The following C12orf54 variants were observed in gnomAD, a reference collection of about 807,000 sequenced individuals.
The protein encoded by C12orf54 is chromosome 12 open reading frame 54, also known as uncharacterized protein C12orf54.
In C12orf54, 24 loss-of-function variants were observed where a neutral mutation model predicts 26.4. The observed-to-expected ratio is 0.91, with a 90% confidence interval of 0.66 to 1.28. The LOEUF (loss-of-function observed/expected upper bound fraction) is 1.28, where lower values mean the gene tolerates loss of function less well. C12orf54 is among the 50% of genes most tolerant of loss of function. C12orf54 has a pLI of 0.00. For synonymous variants in C12orf54, 54 were observed against 47.0 expected, an observed-to-expected ratio of 1.15 and a Z score of -0.61; for missense variants, 154 against 150.9, an observed-to-expected ratio of 1.02 and a Z score of -0.11.
Position 48,490,845 on chromosome 12 carries a change from G to C in C12orf54, c.193+9G>C. 1 of 1,613,010 alleles carries C rather than the reference G, an allele frequency of 6.2e-7. No individual in the cohort carries two copies. The highest frequency in any genetic ancestry group is 8.5e-7 in the Non-Finnish European group (1 of 1,179,080). ...AGATGCTCGGATTCGAGGTAAAACA[G>C]CACCATTCCAAGGTTTGGAAAAGGA... is the stretch of plus-strand genomic sequence containing the variant. On this transcript the variant is annotated intron_variant, in intron 6 of 8. Transcript: ENST00000548364.
chr12:48,475,258 A>C, the C12orf54 span, among the ~76,000 whole-genome samples: 3 of 152,138 alleles, frequency 2.0e-5, no homozygotes, highest in Non-Finnish European at 2.9e-5. Context: ...TGTCACCATC[A>C]TCAAAGAACA....
the C12orf54 span, among the ~76,000 whole-genome samples, chr12:48,457,278 TTGTTGTTGG>T: frequency 1.4e-4 from 19 of 140,572 alleles, no homozygotes; most frequent in African/African-American, 4.4e-4. Context: ...TTTTTTGTTG[TTGTTGTTGG>T]TGGTGGTGGT....
chr12:48,427,391 C>T, the C12orf54 span, among the ~76,000 whole-genome samples: 1 of 152,028 alleles, frequency 6.6e-6, no homozygotes, highest in Non-Finnish European at 1.5e-5. Context: ...TATTGATTTG[C>T]ATATATTGAA....
chr12:48,418,451 TA>T, the C12orf54 span, among the ~76,000 whole-genome samples: 1 of 152,090 alleles, frequency 6.6e-6, no homozygotes, highest in Non-Finnish European at 1.5e-5. Flanking sequence ...GTGTGAAGAG[TA>T]AGTTGCCTTT....
chr12:48,454,938 G>C, the C12orf54 span, among the ~76,000 whole-genome samples: 1 of 152,042 alleles, frequency 6.6e-6, no homozygotes, highest in Admixed American at 6.6e-5. Context: ...AATCATAGGG[G>C]CTTCCTTTTG....
At chr12:48,458,733 CTTT>C in the C12orf54 span, among the ~76,000 whole-genome samples, 1 of 146,832 alleles carries the variant, frequency 6.8e-6, no homozygotes. Context: ...CTTGATTGTT[CTTT>C]TTTTTTTTTT....
the C12orf54 span, among the ~76,000 whole-genome samples, chr12:48,458,525 C>T: frequency 4.6e-5 from 7 of 152,126 alleles, no homozygotes; most frequent in African/African-American, 7.2e-5. Context: ...CATGGCTCAC[C>T]CAAACGTTAC....
chr12:48,466,721 C>T, the C12orf54 span, among the ~76,000 whole-genome samples: 22,032 of 152,064 alleles, frequency 0.14, 2,820 homozygotes, highest in East Asian at 0.66. Flanking sequence ...AAATCTCATA[C>T]ACTGGTAGTA....
the C12orf54 span, among the ~76,000 whole-genome samples, chr12:48,475,329 T>C: frequency 6.6e-6 from 1 of 152,024 alleles, no homozygotes; most frequent in Non-Finnish European, 1.5e-5. Flanking sequence ...ACTCTAAAAA[T>C]CAGAGCACCT....
At chr12:48,459,377 A>G in the C12orf54 span, among the ~76,000 whole-genome samples, 1 of 150,446 alleles carries the variant, frequency 6.6e-6, no homozygotes, top group African/African-American at 2.5e-5. Context: ...AGTGGCGGTG[A>G]TGTGTCAGTT....
At chr12:48,494,312 C>A (rs1937864180) in intron 7 of C12orf54, among the ~76,000 whole-genome samples, 1 of 151,886 alleles carries the variant, frequency 6.6e-6, no homozygotes, top group South Asian at 2.1e-4. Context: ...CAGAATTTGT[C>A]CCTATCTCAG....
At chr12:48,439,989 CTGA>C in the C12orf54 span, among the ~76,000 whole-genome samples, 8 of 152,236 alleles carry the variant, frequency 5.3e-5, no homozygotes, top group East Asian at 1.2e-3. Context: ...CCTTGGGAGG[CTGA>C]TGTGCGTGGA....
At chr12:48,425,756 T>C in the C12orf54 span, among the ~76,000 whole-genome samples, 1 of 152,118 alleles carries the variant, frequency 6.6e-6, no homozygotes, top group Non-Finnish European at 1.5e-5. Context: ...TTTTTACTTT[T>C]TAATAGTAGC....
chr12:48,413,190 C>G, the C12orf54 span, among the ~76,000 whole-genome samples: 2 of 152,328 alleles, frequency 1.3e-5, no homozygotes, highest in African/African-American at 4.8e-5. Context: ...CAGCATTTAA[C>G]TAAGCCTAAT....
intron 5 of C12orf54, among the ~76,000 whole-genome samples, chr12:48,490,097 A>T (rs1295839717): frequency 1.3e-5 from 2 of 152,114 alleles, no homozygotes; most frequent in East Asian, 3.9e-4. Context: ...CTCAATGAGG[A>T]GTGTAAAAGG....
chr12:48,465,804 ACACAGGAACAGAAAACCAAATTC>A, the C12orf54 span, among the ~76,000 whole-genome samples: 1 of 152,188 alleles, frequency 6.6e-6, no homozygotes, highest in African/African-American at 2.4e-5. Context: ...TAGCAAACTA[ACACAGGAACAGAAAACCAAATTC>A]CACATGTTCT....
the C12orf54 span, among the ~76,000 whole-genome samples, chr12:48,444,864 A>G: frequency 1.3e-5 from 2 of 152,202 alleles, no homozygotes. Flanking sequence ...GTTGCTCCAA[A>G]TATATTATTT....
Position 48,493,219 on chromosome 12 carries a change from G to A in C12orf54, c.242+224G>A, listed in dbSNP as rs1278545449. 2.0e-5 allele frequency among the ~76,000 whole-genome samples: 3 copies of A among 152,216 alleles called. No individual in the cohort carries two copies. The East Asian group carries it at 5.8e-4, about 29-fold the overall frequency. On this transcript the variant is annotated intron_variant, in intron 7 of 8. Coordinates refer to ENST00000548364, the MANE Select transcript of C12orf54 (RefSeq NM_152319.4). ...CCCATTAGAAATCCCTGAAATCTCAGAATCAGCCCTGAACCTCACCATAAG... is the reference window on the plus strand; with the variant it reads ...CCCATTAGAAATCCCTGAAATCTCAAAATCAGCCCTGAACCTCACCATAAG...
At chr12:48,426,782 T>C in the C12orf54 span, among the ~76,000 whole-genome samples, 5 of 152,174 alleles carry the variant, frequency 3.3e-5, no homozygotes, top group Non-Finnish European at 5.9e-5. Context: ...TAATTCTCAT[T>C]GTAGAGATCT....
Sources: allele counts gnomAD v4.1 joint callset (sites outside exome capture counted in the v4.1 genomes callset), GRCh38; gene constraint gnomAD v4.1.1; transcripts MANE v1.5; gene names NCBI Gene and HGNC (gene_info 2026-07-23, HGNC 2026-07-21).